SNX29: variants seen among roughly 807,000 people sequenced by gnomAD.
SNX29 encodes the protein sorting nexin-29.
SNX29 carries 78 observed loss-of-function variants against 102.1 expected under a neutral mutation model. The observed-to-expected ratio is 0.76, with a 90% CI of 0.64 to 0.92. The LOEUF (loss-of-function observed/expected upper bound fraction) is 0.92, where lower values mean the gene tolerates loss of function less well. SNX29 is among the 40% of genes least tolerant of loss of function. SNX29 has a pLI of 0.00. For missense variants in SNX29, 1,280 were observed against 1,061.7 expected, an observed-to-expected ratio of 1.21 and a Z score of -2.86; for synonymous variants, 580 against 414.5, an observed-to-expected ratio of 1.40 and a Z score of -4.85.
chr16:12,543,607 G>C (rs1464784092), intron 20 of SNX29, among the ~76,000 whole-genome samples: 2 of 151,978 alleles, frequency 1.3e-5, no homozygotes, highest in African/African-American at 2.4e-5. Flanking sequence ...CTCCCCGATG[G>C]AGTGGGCAGT....
chr16:12,500,888 G>T (rs772682526), intron 19 of SNX29, among the ~76,000 whole-genome samples: 2 of 152,092 alleles, frequency 1.3e-5, no homozygotes, highest in Admixed American at 6.5e-5. Context: ...CTTCCTCCCC[G>T]CCTCACCTTG....
chr16:12,035,693 G>T (rs887445151), intron 4 of SNX29, among the ~76,000 whole-genome samples: 2 of 152,086 alleles, frequency 1.3e-5, no homozygotes, highest in Non-Finnish European at 2.9e-5. Flanking sequence ...TTCTGTTAGA[G>T]TGTGCCCTCA....
At chr16:12,430,110 T>C (rs1251330474) in intron 18 of SNX29, among the ~76,000 whole-genome samples, 1 of 152,232 alleles carries the variant, frequency 6.6e-6, no homozygotes, top group Non-Finnish European at 1.5e-5. Flanking sequence ...GAACTGTGCA[T>C]ACAAGGGATC....
chr16:12,463,959 C>T (rs1237298059), intron 18 of SNX29, among the ~76,000 whole-genome samples: 1 of 151,882 alleles, frequency 6.6e-6, no homozygotes, highest in Non-Finnish European at 1.5e-5. Flanking sequence ...CAGAACTTAT[C>T]TTCTAAGAGA....
intron 1 of SNX29, among the ~76,000 whole-genome samples, chr16:11,991,170 C>G (rs1206524540): frequency 2.0e-5 from 3 of 152,254 alleles, no homozygotes; most frequent in Admixed American, 6.5e-5. Flanking sequence ...ATGCTGTGTT[C>G]ATTGCAGTTT....
chr16:12,226,705 C>T (rs1035529914), intron 14 of SNX29, among the ~76,000 whole-genome samples: 11 of 151,856 alleles, frequency 7.2e-5, no homozygotes, highest in Non-Finnish European at 1.0e-4. Flanking sequence ...TCCCGAGTAG[C>T]CGGGATTACA....
rs555912212 is a variant in SNX29, at chr16:12,041,639, TG to T, written c.248-1257del. On this transcript the variant is annotated intron_variant, in intron 4 of 20. Transcript: ENST00000566228. ...GCTGCCCACCTTCCTTGGCTATGGC[TG>T]CCCCATTCTAGTCTTTGCTTCTCTG... Among the ~76,000 whole-genome samples the T allele has an allele frequency of 9.6e-4, 146 of 152,332 alleles. 1 individual carries two copies. Among genetic ancestry groups the T allele is most frequent in the African/African-American group, 3.4e-3 (140 of 41,578 alleles).
intron 20 of SNX29, among the ~76,000 whole-genome samples, chr16:12,545,276 G>A (rs1429676436): frequency 6.6e-6 from 1 of 152,208 alleles, no homozygotes; most frequent in African/African-American, 2.4e-5. Context: ...TTGAGAAATT[G>A]GTTTGCCACT....
At chr16:12,299,549 C>T (rs568495705) in intron 15 of SNX29, among the ~76,000 whole-genome samples, 1 of 152,228 alleles carries the variant, frequency 6.6e-6, no homozygotes, top group East Asian at 1.9e-4. Context: ...CCAGGGGGCC[C>T]TGGCTCTTTG....
intron 20 of SNX29, among the ~76,000 whole-genome samples, chr16:12,555,436 C>T (rs371537454): frequency 6.6e-6 from 1 of 152,036 alleles, no homozygotes; most frequent in East Asian, 1.9e-4. Flanking sequence ...GTAGGAGACA[C>T]TCATGTACGC....
At chr16:11,999,406 G>C (rs1596556281) in intron 2 of SNX29, 48 bp downstream of exon 2, 1 of 1,580,632 alleles carries the variant, frequency 6.3e-7, no homozygotes, top group East Asian at 2.2e-5. Flanking sequence ...AATAGTGTCA[G>C]ATAATTAATG....
intron 16 of SNX29, chr16:12,367,308 C>T (rs893019945): frequency 6.6e-6 from 1 of 152,248 alleles, no homozygotes; most frequent in Non-Finnish European, 1.5e-5. Flanking sequence ...ACGTATACAT[C>T]TGAGTGTACA....
At chr16:12,159,857 C>T (rs1002500583) in intron 13 of SNX29, among the ~76,000 whole-genome samples, 4 of 152,166 alleles carry the variant, frequency 2.6e-5, no homozygotes, top group Admixed American at 6.5e-5. Flanking sequence ...TCCCTTATCC[C>T]GTGCTTTTGC....
intron 7 of SNX29, among the ~76,000 whole-genome samples, chr16:12,050,296 C>T (rs1264758912): frequency 1.3e-5 from 2 of 152,186 alleles, no homozygotes; most frequent in African/African-American, 4.8e-5. Context: ...TGTCTTACAT[C>T]CAAGTGTGAT....
chr16:12,082,967 A>C (rs940801154), intron 11 of SNX29, among the ~76,000 whole-genome samples: 1 of 152,198 alleles, frequency 6.6e-6, no homozygotes. Flanking sequence ...TGCTTGGGCT[A>C]CCATAACAAG....
chr16:12,225,433 A>T (rs1377784564), intron 14 of SNX29, among the ~76,000 whole-genome samples: 1 of 152,168 alleles, frequency 6.6e-6, no homozygotes, highest in Admixed American at 6.5e-5. Context: ...AATAAGTCTC[A>T]TGAGATCTGA....
intron 18 of SNX29, among the ~76,000 whole-genome samples, chr16:12,459,209 C>G (rs537085017): frequency 1.4e-4 from 21 of 148,990 alleles, no homozygotes; most frequent in Non-Finnish European, 2.5e-4. Context: ...TTCTGCGTCT[C>G]TGTACTGTGT....
At chr16:12,201,214 T>C (rs919671743) in intron 14 of SNX29, among the ~76,000 whole-genome samples, 9 of 152,258 alleles carry the variant, frequency 5.9e-5, no homozygotes, top group African/African-American at 2.2e-4. Context: ...TCATGCCCTT[T>C]TCATACAGAT....
At chr16:12,469,082 G>T (rs2087213783) in intron 18 of SNX29, among the ~76,000 whole-genome samples, 2 of 152,122 alleles carry the variant, frequency 1.3e-5, no homozygotes. Context: ...AGACTGGCTG[G>T]GTCTCTGCCA....
Sources: allele counts gnomAD v4.1 joint callset (sites outside exome capture counted in the v4.1 genomes callset), GRCh38; gene constraint gnomAD v4.1.1; transcripts MANE v1.5; gene names NCBI Gene and HGNC (gene_info 2026-07-23, HGNC 2026-07-21).